ST6GAL2: variants seen among roughly 807,000 people sequenced by gnomAD.
ST6GAL2 encodes the protein beta-galactoside alpha-2,6-sialyltransferase 2.
ST6GAL2 carries 24 observed loss-of-function variants against 37.5 expected under a neutral mutation model. The ratio of observed to expected loss-of-function variants is 0.64; its 90% CI spans 0.46 to 0.90. The LOEUF (loss-of-function observed/expected upper bound fraction) is 0.90. ST6GAL2 is among the 40% of genes least tolerant of loss of function. The probability of loss-of-function intolerance (pLI) is 0.00; values close to 1 mark genes in which losing one functional copy is unlikely to be tolerated. For synonymous variants in ST6GAL2, 306 were observed against 295.1 expected (o/e 1.04, Z -0.38); for missense variants, 715 against 712.7 (o/e 1.00, Z -0.04).
At chr2:106,861,163 G>A (rs11679344) in intron 1 of ST6GAL2, among the ~76,000 whole-genome samples, 38,181 of 152,062 alleles carry the variant, frequency 0.25, 5,074 homozygotes, top group South Asian at 0.36. Context: ...CAAAGGGGAA[G>A]AAAAACACCA....
intron 5 of ST6GAL2, among the ~76,000 whole-genome samples, chr2:106,817,537 G>A (rs990890709): frequency 6.6e-6 from 1 of 152,210 alleles, no homozygotes; most frequent in African/African-American, 2.4e-5. Context: ...GCTGACTAAA[G>A]AGCTGCTGGG....
At chr2:106,881,731 T>C (rs1487779579) in intron 1 of ST6GAL2, among the ~76,000 whole-genome samples, 1 of 152,230 alleles carries the variant, frequency 6.6e-6, no homozygotes, top group African/African-American at 2.4e-5. Context: ...TTGTTTTAAA[T>C]TTAATAAAGC....
intron 1 of ST6GAL2, among the ~76,000 whole-genome samples, chr2:106,874,386 T>C (rs1364034428): frequency 3.3e-5 from 5 of 151,998 alleles, no homozygotes; most frequent in Non-Finnish European, 1.5e-5. Flanking sequence ...AAGGTAGTTG[T>C]GGCTAAGAGG....
At chr2:106,846,304 T>C (rs1281298582) in intron 1 of ST6GAL2, among the ~76,000 whole-genome samples, 1 of 152,238 alleles carries the variant, frequency 6.6e-6, no homozygotes, top group Non-Finnish European at 1.5e-5. Flanking sequence ...AATACATTTA[T>C]ATACCTATAT....
chr2:106,824,334 C>G (rs917862708), intron 5 of ST6GAL2, among the ~76,000 whole-genome samples: 1 of 152,132 alleles, frequency 6.6e-6, no homozygotes, highest in Non-Finnish European at 1.5e-5. Context: ...GTTAAAACAT[C>G]CAATAATGCT....
At chr2:106,878,530 G>A (rs1434864182) in intron 1 of ST6GAL2, among the ~76,000 whole-genome samples, 1 of 152,160 alleles carries the variant, frequency 6.6e-6, no homozygotes, top group African/African-American at 2.4e-5. Flanking sequence ...TGGAGGCCAA[G>A]GTAGGAGGAT....
chr2:106,848,278 C>T (rs1213076854), intron 1 of ST6GAL2, among the ~76,000 whole-genome samples: 6 of 152,096 alleles, frequency 3.9e-5, no homozygotes, highest in South Asian at 2.1e-4. Context: ...ACAGTCCTAT[C>T]GCTAAGGAAA....
chr2:106,856,074 T>G (rs1677562316), intron 1 of ST6GAL2, among the ~76,000 whole-genome samples: 1 of 152,256 alleles, frequency 6.6e-6, no homozygotes, highest in East Asian at 1.9e-4. Context: ...CTGCATCTTC[T>G]GTAAAATGAA....
rs530506361 is a variant in ST6GAL2 at position 106,836,615 on chromosome 2, G to C, written c.944-2469C>G. On this transcript the variant is annotated intron_variant, in intron 2 of 5. Transcript: ENST00000409382. ...ATGTTAGTCAGACATTCCAAATAGT[G>C]ATGCATTTTGTTATAAAGAGTTGAA... Among the ~76,000 whole-genome samples the C allele has an allele frequency of 5.9e-5, 9 of 151,584 alleles. No homozygotes were observed. The East Asian group carries it at 1.5e-3, about 26-fold the overall frequency.
At chr2:106,829,053 A>G (rs1676311048) in intron 5 of ST6GAL2, among the ~76,000 whole-genome samples, 1 of 152,184 alleles carries the variant, frequency 6.6e-6, no homozygotes. Flanking sequence ...CAAAGCCCGC[A>G]CCTACTCATA....
At chr2:106,842,016 C>T (rs1275316810) in intron 2 of ST6GAL2, among the ~76,000 whole-genome samples, 3 of 152,120 alleles carry the variant, frequency 2.0e-5, no homozygotes, top group African/African-American at 4.8e-5. Context: ...GAAAAGCAGA[C>T]GACTCTCAAA....
chr2:106,886,890 G>C (rs1205779215), upstream of ST6GAL2: 1 of 152,132 alleles, frequency 6.6e-6, no homozygotes, highest in Non-Finnish European at 1.5e-5. Context: ...GCTGCGTGGG[G>C]CGGTGCGGGG....
chr2:106,886,600 G>A (rs1472790591), upstream of ST6GAL2: 1 of 151,748 alleles, frequency 6.6e-6, no homozygotes, highest in Non-Finnish European at 1.5e-5. Flanking sequence ...CCGCGGCCCC[G>A]AGCCCCGGGG....
At chr2:106,882,082 T>A (rs1678772487) in intron 1 of ST6GAL2, among the ~76,000 whole-genome samples, 1 of 152,238 alleles carries the variant, frequency 6.6e-6, no homozygotes, top group South Asian at 2.1e-4. Context: ...AGCCCATTTT[T>A]AAGTTGCAGC....
chr2:106,842,929 C>A, intron 2 of ST6GAL2, 106 bp downstream of exon 2: 2 of 772,948 alleles, frequency 2.6e-6, no homozygotes, highest in Non-Finnish European at 3.7e-6. Context: ...GGTGCGGAGA[C>A]CCCAGCTTGC....
chr2:106,845,188 G>T (rs1677093561), intron 1 of ST6GAL2, among the ~76,000 whole-genome samples: 1 of 152,156 alleles, frequency 6.6e-6, no homozygotes, highest in African/African-American at 2.4e-5. Flanking sequence ...GTTTTGGTGG[G>T]GGTGCTGGAA....
At chr2:106,864,071 G>A (rs933386374) in intron 1 of ST6GAL2, among the ~76,000 whole-genome samples, 2 of 152,224 alleles carry the variant, frequency 1.3e-5, no homozygotes, top group Non-Finnish European at 2.9e-5. Flanking sequence ...GATCCAGGGA[G>A]TAAAAGCCAG....
chr2:106,886,152 C>G lies in ST6GAL2; in HGVS notation c.-117G>C, dbSNP rs1343408912. 2 of 152,352 alleles carry G rather than the reference C, an allele frequency of 1.3e-5. No homozygotes were observed. The highest frequency in any genetic ancestry group is 2.9e-5 in the Non-Finnish European group (2 of 68,130). The allele number at this position is 152,352 out of a possible 1,614,324, so 9.4% of individuals were successfully genotyped here. On this transcript the variant is annotated 5_prime_UTR_variant, in exon 1 of 6. Transcript: ENST00000409382. ...GACACCGTGGTGCTCGGTGCTCCCC[C>G]TGGCAGCGCGGCACTGGAGTCCAAG...
At chr2:106,807,338 A>T (rs1675449878) in intron 5 of ST6GAL2, among the ~76,000 whole-genome samples, 1 of 152,144 alleles carries the variant, frequency 6.6e-6, no homozygotes, top group African/African-American at 2.4e-5. Context: ...CAATGATGGG[A>T]CAGTTATGTT....
Sources: allele counts gnomAD v4.1 joint callset (sites outside exome capture counted in the v4.1 genomes callset), GRCh38; gene constraint gnomAD v4.1.1; transcripts MANE v1.5; gene names NCBI Gene and HGNC (gene_info 2026-07-23, HGNC 2026-07-21).